CACNA1E: variants seen among roughly 807,000 people sequenced by gnomAD.
The protein encoded by CACNA1E is calcium voltage-gated channel subunit alpha1 E, also known as voltage-dependent R-type calcium channel subunit alpha-1E.
CACNA1E carries 40 observed loss-of-function variants against 259.2 expected under a neutral mutation model. The observed-to-expected ratio is 0.15, with a 90% confidence interval of 0.12 to 0.20. CACNA1E has a LOEUF of 0.20. Among genes scored for constraint, CACNA1E ranks in the 10% least tolerant of loss-of-function variants. CACNA1E has a pLI of 1.00. For synonymous variants in CACNA1E, 1,104 were observed against 1,138.5 expected (o/e 0.97, Z 0.61); for missense variants, 1,874 against 3,040.1 (o/e 0.62, Z 9.02).
At chr1:181,641,999 A>G (rs1474726787) in intron 6 of CACNA1E, among the ~76,000 whole-genome samples, 1 of 152,100 alleles carries the variant, frequency 6.6e-6, no homozygotes, top group Non-Finnish European at 1.5e-5. Flanking sequence ...GGCGTGAGCC[A>G]CCGCGCCTGG....
Position 181,483,585 on chromosome 1 carries a change from T to C in CACNA1E, c.-160T>C. On this transcript the variant is annotated 5_prime_UTR_variant, in exon 1 of 48. Transcript: ENST00000367573. ...ACAGTTCACAGCGGCGGGCTGCTGC[T>C]GCTGCCTCTCCGAAGAGCTCGCGGA... 1 of 442,814 alleles carries C rather than the reference T, an allele frequency of 2.3e-6. No homozygotes were observed. The highest frequency in any genetic ancestry group is 4.0e-6 in the Non-Finnish European group (1 of 250,052). 27.4% of individuals were successfully genotyped at this position (442,814 alleles called of 1,614,324 possible). A position where few individuals can be genotyped will look rare whatever the true frequency, so the allele number is the denominator to read the frequency against.
intron 3 of CACNA1E, among the ~76,000 whole-genome samples, chr1:181,562,152 A>G (rs1933051): frequency 0.32 from 48,172 of 151,928 alleles, 7,774 homozygotes; most frequent in Middle Eastern, 0.39. Flanking sequence ...TAATGCTTCA[A>G]TGAACAACAT....
At chr1:181,414,557 G>A (rs546636096) in intron 2 of CACNA1E, among the ~76,000 whole-genome samples, 8 of 152,284 alleles carry the variant, frequency 5.3e-5, no homozygotes, top group African/African-American at 1.9e-4. Context: ...GTTGGGCACA[G>A]CCAGCATTCA....
At chr1:181,701,495 A>C (rs1175783995) in intron 7 of CACNA1E, among the ~76,000 whole-genome samples, 1 of 152,186 alleles carries the variant, frequency 6.6e-6, no homozygotes, top group African/African-American at 2.4e-5. Context: ...ATACACTGTT[A>C]TATGCAGAGA....
At chr1:181,793,513 AAC>A (rs533604876) in intron 44 of CACNA1E, among the ~76,000 whole-genome samples, 150 bp from the exon 45 acceptor site, 2 of 152,102 alleles carry the variant, frequency 1.3e-5, no homozygotes, top group African/African-American at 4.8e-5. Context: ...GGTGCACATA[AAC>A]ACACACACAC....
chr1:181,368,807 G>T (rs1199618851), intron 1 of CACNA1E, among the ~76,000 whole-genome samples: 1 of 152,198 alleles, frequency 6.6e-6, no homozygotes. Context: ...TTCCAAGAAA[G>T]GAGACAAATG....
At chr1:181,450,903 A>C (rs979457360) in intron 2 of CACNA1E, among the ~76,000 whole-genome samples, 14 of 152,220 alleles carry the variant, frequency 9.2e-5, no homozygotes, top group African/African-American at 3.4e-4. Flanking sequence ...GGTGAATCTG[A>C]AAGATATTTA....
At chr1:181,754,264 C>A (rs553703226) in intron 27 of CACNA1E, among the ~76,000 whole-genome samples, 16 of 152,200 alleles carry the variant, frequency 1.1e-4, no homozygotes, top group Non-Finnish European at 1.9e-4. Flanking sequence ...CGCTCTGCAG[C>A]TCCATAACCT....
rs545116513 is a variant in CACNA1E, at chr1:181,336,369, A to G, written c.-15+18246A>G. 3.9e-5 allele frequency among the ~76,000 whole-genome samples: 6 copies of G among 152,310 alleles called. No homozygotes were observed. The South Asian group carries it at 1.0e-3, about 26-fold the overall frequency. ...TAAGCCCTATACGTGCCTCAAAACA[A>G]CTCAATGCAGTATATTATTACTGTT... On this transcript the variant is annotated intron_variant, in intron 1 of 11. Transcript: ENST00000524607.
chr1:181,762,545 A>T lies in CACNA1E; in HGVS notation c.4606-29A>T, dbSNP rs369121577. On this transcript the variant is annotated intron_variant, in intron 32 of 47. Transcript: ENST00000367573. ...CCTTTTTTTTTTCTTTCCTTTTCTG[A>T]TGTTCCTATGACTGAATTCATTTGG... 1.6e-4 allele frequency: 202 copies of T among 1,286,468 alleles called. 1 individual carries two copies. In the African/African-American group the frequency reaches 2.8e-3, roughly 18 times the overall value. The allele number at this position is 1,286,468 out of a possible 1,614,324, so 79.7% of individuals were successfully genotyped here. A position where few individuals can be genotyped will look rare whatever the true frequency, so the allele number is the denominator to read the frequency against.
intron 2 of CACNA1E, 24 bp from the exon 3 acceptor site, chr1:181,511,347 T>C (rs760353179): frequency 6.2e-7 from 1 of 1,613,556 alleles, no homozygotes; most frequent in East Asian, 2.2e-5. Context: ...TTCTCACTGG[T>C]GCTTCTGCTC....
chr1:181,382,928 T>C (rs1260834666), intron 1 of CACNA1E, among the ~76,000 whole-genome samples: 1 of 152,152 alleles, frequency 6.6e-6, no homozygotes, highest in Non-Finnish European at 1.5e-5. Context: ...GGGATGAAGC[T>C]GGAGAAGTGA....
chr1:181,645,581 T>C (rs1228391007), intron 6 of CACNA1E, among the ~76,000 whole-genome samples: 2 of 152,260 alleles, frequency 1.3e-5, no homozygotes, highest in Non-Finnish European at 2.9e-5. Context: ...CCCGTGTTAT[T>C]GTTTTCCCTG....
chr1:181,351,168 A>G (rs1002183505), intron 1 of CACNA1E, among the ~76,000 whole-genome samples: 1 of 152,172 alleles, frequency 6.6e-6, no homozygotes, highest in African/African-American at 2.4e-5. Flanking sequence ...GGGGCTGGGA[A>G]TACCTTGAGG....
chr1:181,785,050 T>C (rs1452221029), intron 41 of CACNA1E, among the ~76,000 whole-genome samples: 1 of 152,014 alleles, frequency 6.6e-6, no homozygotes, highest in East Asian at 1.9e-4. Context: ...TTTAGAATGG[T>C]AGGCGTGATG....
chr1:181,487,629 A>G lies in CACNA1E; in HGVS notation c.266+3619A>G, dbSNP rs568778464. Among the ~76,000 whole-genome samples the G allele has an allele frequency of 2.0e-5, 3 of 152,284 alleles. No individual in the cohort carries two copies. The East Asian group carries it at 5.8e-4, about 29-fold the overall frequency. ...TTTCATTTTCTTTTTTGCTCATCTA[A>G]TAGATCTTCTCTGGCAGTTGGCTGT... is the stretch of plus-strand genomic sequence containing the variant. On this transcript the variant is annotated intron_variant, in intron 1 of 47. Coordinates refer to ENST00000367573, the MANE Select transcript of CACNA1E (RefSeq NM_001205293.3).
chr1:181,410,711 G>C (rs1657785124), intron 1 of CACNA1E, among the ~76,000 whole-genome samples: 1 of 152,178 alleles, frequency 6.6e-6, no homozygotes, highest in South Asian at 2.1e-4. Context: ...CATAAGCTAG[G>C]ACTTGAAATC....
Position 181,807,586 on chromosome 1 carries a change from G to C in CACNA1E, c.*8752G>C, listed in dbSNP as rs1218691474. The C allele has an allele frequency of 2.0e-5, 3 of 151,598 alleles. No individual in the cohort carries two copies. The highest frequency in any genetic ancestry group is 4.4e-5 in the Non-Finnish European group (3 of 67,974). 9.4% of individuals were successfully genotyped at this position (151,598 alleles called of 1,614,324 possible). A position where few individuals can be genotyped will look rare whatever the true frequency, so the allele number is the denominator to read the frequency against. ...GAGGAGATATCTTCACCTAATCCTA[G>C]TGTTAATTATTTTAATCTGAGCAAC... On this transcript the variant is annotated 3_prime_UTR_variant, in exon 48 of 48. Transcript: ENST00000367573.
chr1:181,799,007 C>A lies in CACNA1E; in HGVS notation c.*173C>A, dbSNP rs1450878683. 7.1e-6 allele frequency: 4 copies of A among 560,490 alleles called. No individual in the cohort carries two copies. The highest frequency in any genetic ancestry group is 1.2e-5 in the Non-Finnish European group (4 of 344,208). 34.7% of individuals were successfully genotyped at this position (560,490 alleles called of 1,614,324 possible). ...CAATCAGAACACCAGTCAAACCCAC[C>A]AAATTGCTTTATTCCCCTTTGCAAG... On this transcript the variant is annotated 3_prime_UTR_variant, in exon 48 of 48. Transcript: ENST00000367573.
Sources: allele counts gnomAD v4.1 joint callset (sites outside exome capture counted in the v4.1 genomes callset), GRCh38; gene constraint gnomAD v4.1.1; transcripts MANE v1.5; gene names NCBI Gene and HGNC (gene_info 2026-07-23, HGNC 2026-07-21).